GPC5: variants seen among roughly 807,000 people sequenced by gnomAD.
GPC5 encodes the protein glypican-5.
In GPC5, 47 loss-of-function variants were observed where a neutral mutation model predicts 53.9. The observed-to-expected ratio is 0.87, with a 90% confidence interval of 0.69 to 1.11. The LOEUF (loss-of-function observed/expected upper bound fraction) is 1.11, where lower values mean the gene tolerates loss of function less well. GPC5 is among the 50% of genes most tolerant of loss of function. GPC5 has a pLI of 0.00. For missense variants in GPC5, 748 were observed against 713.1 expected (o/e 1.05, Z -0.56); for synonymous variants, 286 against 263.3 (o/e 1.09, Z -0.84).
intron 7 of GPC5, among the ~76,000 whole-genome samples, chr13:92,685,756 C>G (rs1267273677): frequency 1.9e-5 from 2 of 106,226 alleles, no homozygotes; most frequent in Non-Finnish European, 3.6e-5. Context: ...TATTCCCCTT[C>G]CTGTGTCCAA....
At chr13:91,926,016 G>T (rs181580699) in intron 6 of GPC5, among the ~76,000 whole-genome samples, 36 of 152,056 alleles carry the variant, frequency 2.4e-4, no homozygotes, top group African/African-American at 8.7e-4. Context: ...AATATTGAAC[G>T]ATGGCACCTT....
chr13:91,908,096 T>C (rs201435726), intron 6 of GPC5, 39 bp downstream of exon 6: 42 of 1,380,062 alleles, frequency 3.0e-5, no homozygotes, highest in Middle Eastern at 1.9e-4. Context: ...TACTCAGTCA[T>C]AAATAATAAG....
At chr13:92,671,515 G>A (rs2139206129) in intron 7 of GPC5, among the ~76,000 whole-genome samples, 1 of 152,272 alleles carries the variant, frequency 6.6e-6, no homozygotes, top group East Asian at 1.9e-4. Context: ...AAACAGTCAA[G>A]AAAACTGAAA....
At chr13:91,513,733 G>A (rs907591992) in intron 2 of GPC5, among the ~76,000 whole-genome samples, 3 of 151,814 alleles carry the variant, frequency 2.0e-5, no homozygotes, top group African/African-American at 7.3e-5. Context: ...AGAGCGAGAC[G>A]CCATCTCAAA....
At position 92,515,501 on chromosome 13, in the gene GPC5, C is replaced by A. The variant is rs145254853; in HGVS notation, c.1562-350781C>A. Among the ~76,000 whole-genome samples, 607 of 152,206 alleles carry A rather than the reference C, an allele frequency of 4.0e-3. 7 individuals are homozygous for A. The highest frequency in any genetic ancestry group is 0.014 in the African/African-American group (591 of 41,526). ...CCCAGTTAGATGCTTGGGAAGGTGG[C>A]ATTTTTGTTTGACCTATGTACATAC... On this transcript the variant is annotated intron_variant, in intron 7 of 7. Coordinates refer to ENST00000377067, the MANE Select transcript of GPC5 (RefSeq NM_004466.6).
rs9301744 is a variant in GPC5, at chr13:91,633,920, G to C, written c.326-59267G>C. ...CCTTAGCTCAACCTACTCATACTTA[G>C]AGTAAATTAGCCAGATATAATTAGC... On this transcript the variant is annotated intron_variant, in intron 2 of 7. Coordinates refer to ENST00000377067, the MANE Select transcript of GPC5 (RefSeq NM_004466.6). 3.6e-3 allele frequency among the ~76,000 whole-genome samples: 551 copies of C among 152,060 alleles called. 6 individuals are homozygous for C. The highest frequency in any genetic ancestry group is 0.013 in the African/African-American group (527 of 41,456).
intron 7 of GPC5, among the ~76,000 whole-genome samples, chr13:92,345,534 CG>C (rs1196219688): frequency 3.3e-5 from 5 of 152,116 alleles, no homozygotes; most frequent in African/African-American, 1.2e-4. Flanking sequence ...ATAAAAACCA[CG>C]CATCTTTTTG....
intron 7 of GPC5, among the ~76,000 whole-genome samples, chr13:92,187,217 A>G (rs56364386): frequency 0.064 from 9,679 of 152,250 alleles, 1,034 homozygotes; most frequent in African/African-American, 0.22. Context: ...ATAAGTTAGT[A>G]CATCCACTTT....
At chr13:91,939,750 A>G (rs2039907362) in intron 6 of GPC5, among the ~76,000 whole-genome samples, 1 of 152,172 alleles carries the variant, frequency 6.6e-6, no homozygotes, top group South Asian at 2.1e-4. Context: ...GAGAGGATGA[A>G]GTCATCAAGC....
At chr13:92,582,833 G>A (rs1163569972) in intron 7 of GPC5, among the ~76,000 whole-genome samples, 1 of 151,604 alleles carries the variant, frequency 6.6e-6, no homozygotes, top group East Asian at 1.9e-4. Context: ...TTTGTATGTT[G>A]ATTTTTTTAT....
intron 5 of GPC5, among the ~76,000 whole-genome samples, chr13:91,878,452 G>A (rs1444082758): frequency 6.6e-6 from 1 of 152,086 alleles, no homozygotes; most frequent in East Asian, 1.9e-4. Context: ...GCAGCTACAC[G>A]GAAAATTAGA....
chr13:92,304,524 A>T (rs1050091510), intron 7 of GPC5, among the ~76,000 whole-genome samples: 2 of 151,618 alleles, frequency 1.3e-5, no homozygotes, highest in African/African-American at 4.9e-5. Flanking sequence ...TTCAACTTTT[A>T]TTGTTTCTTG....
intron 5 of GPC5, among the ~76,000 whole-genome samples, chr13:91,781,349 T>C (rs2037796332): frequency 6.6e-6 from 1 of 152,254 alleles, no homozygotes; most frequent in South Asian, 2.1e-4. Flanking sequence ...GTGCGTATGC[T>C]GTACTGAGAA....
intron 6 of GPC5, among the ~76,000 whole-genome samples, chr13:92,054,951 A>T (rs1011837098): frequency 6.6e-6 from 1 of 152,178 alleles, no homozygotes; most frequent in African/African-American, 2.4e-5. Context: ...CATAAAGTTA[A>T]TTTTCTGTCT....
intron 7 of GPC5, among the ~76,000 whole-genome samples, chr13:92,291,293 A>C (rs2139184016): frequency 6.6e-6 from 1 of 152,270 alleles, no homozygotes; most frequent in South Asian, 2.1e-4. Flanking sequence ...CACTGGGTGA[A>C]GCCAGCTGGG....
intron 2 of GPC5, among the ~76,000 whole-genome samples, chr13:91,623,297 G>A (rs561943257): frequency 1.3e-5 from 2 of 152,286 alleles, no homozygotes; most frequent in Admixed American, 6.5e-5. Flanking sequence ...TCCACAAAGT[G>A]TCAGTGGTGC....
At chr13:91,978,663 C>A (rs1451337016) in intron 6 of GPC5, among the ~76,000 whole-genome samples, 3 of 152,178 alleles carry the variant, frequency 2.0e-5, no homozygotes, top group African/African-American at 4.8e-5. Context: ...ACAGTTCAAC[C>A]ACAGCCAGTG....
intron 1 of GPC5, among the ~76,000 whole-genome samples, chr13:91,445,506 G>T (rs1189793066): frequency 3.3e-5 from 5 of 152,272 alleles, no homozygotes; most frequent in African/African-American, 1.2e-4. Flanking sequence ...ACAGAATCTT[G>T]CTCTGTCCCC....
chr13:92,005,447 C>T (rs1303624693), intron 6 of GPC5, among the ~76,000 whole-genome samples: 1 of 152,096 alleles, frequency 6.6e-6, no homozygotes, highest in Non-Finnish European at 1.5e-5. Flanking sequence ...GCTTCAGGTC[C>T]TCACACCAAT....
Sources: gnomAD v4.1 joint callset for allele counts (sites outside exome capture counted in the v4.1 genomes callset) on GRCh38, gnomAD v4.1.1 for gene constraint, MANE v1.5 for transcripts, NCBI Gene and HGNC (gene_info 2026-07-23, HGNC 2026-07-21) for gene names.